CNTN2: variants seen among roughly 807,000 people sequenced by gnomAD.
CNTN2 encodes contactin-2.
In CNTN2, 53 loss-of-function variants were observed where a neutral mutation model predicts 117.5. That is an observed-to-expected ratio of 0.45 (90% CI 0.36 to 0.57). CNTN2 has a LOEUF of 0.57. Ranked by LOEUF, CNTN2 falls within the 20% of genes least tolerant of loss-of-function variation. The pLI, the probability that CNTN2 is intolerant of heterozygous loss-of-function variation, is 0.00. For synonymous variants in CNTN2, 530 were observed against 561.7 expected (o/e 0.94, Z 0.80); for missense variants, 1,106 against 1,404.3 (o/e 0.79, Z 3.39).
intron 2 of CNTN2, among the ~76,000 whole-genome samples, chr1:205,054,791 G>A (rs1343042274): frequency 6.6e-6 from 1 of 152,122 alleles, no homozygotes; most frequent in Non-Finnish European, 1.5e-5. Flanking sequence ...GGATATAGCT[G>A]TGGATTCCTG....
rs201170008 is a variant in CNTN2, at chr1:205,072,613, T to C, written c.2844+18T>C. The C allele has an allele frequency of 6.3e-7, 1 of 1,575,958 alleles. No individual in the cohort carries two copies. On this transcript the variant is annotated intron_variant, in intron 21 of 22. Transcript: ENST00000331830. ...GCTATAAGGTGAGGAAGCAATCAGC[T>C]AGGCCCAGAATGGGAAGGAACAGCT...
intron 19 of CNTN2, 137 bp from the exon 20 acceptor site, chr1:205,071,810 C>A: frequency 1.4e-6 from 1 of 739,104 alleles, no homozygotes; most frequent in Non-Finnish European, 2.1e-6. Context: ...TGCTCATGAT[C>A]TAGTCTCCAG....
Position 205,069,458 on chromosome 1 carries a change from C to T in CNTN2, c.2126-33C>T, listed in dbSNP as rs761966763. ...CTTTCATTTTTTCCTTGCTCATTAACAAGCCATATCGGTGTCCCTTGGCCC... is the reference window on the plus strand; with the variant it reads ...CTTTCATTTTTTCCTTGCTCATTAATAAGCCATATCGGTGTCCCTTGGCCC... On this transcript the variant is annotated intron_variant, in intron 16 of 22. Transcript: ENST00000331830. 2.8e-5 allele frequency: 45 copies of T among 1,606,158 alleles called. No homozygotes were observed. In the East Asian group the frequency reaches 9.2e-4, roughly 33 times the overall value.
rs558753015 is a variant in CNTN2, at chr1:205,061,072, G to C, written c.798-173G>C. The C allele has an allele frequency of 8.8e-6, 6 of 683,352 alleles. No individual in the cohort carries two copies. In the Admixed American group the frequency reaches 9.3e-5, roughly 11 times the overall value. 42.3% of individuals were successfully genotyped at this position (683,352 alleles called of 1,614,324 possible). On this transcript the variant is annotated intron_variant, in intron 7 of 22. Transcript: ENST00000331830. This position sits in a 1 kb window ranked among gnomAD's most constrained non-coding sequence, Gnocchi z 4.8. Reference sequence around the variant, plus strand: ...CTTGCCCCTTCCCTGCGTGTGCTCCGAGCCTACCTGGGAGAGGAGAGTGAG... The same window carrying C: ...CTTGCCCCTTCCCTGCGTGTGCTCCCAGCCTACCTGGGAGAGGAGAGTGAG...
At position 205,077,430 on chromosome 1, in the gene CNTN2, C is replaced by G. The variant is rs564546788; in HGVS notation, c.*3665C>G. The G allele has an allele frequency of 6.6e-6, 1 of 152,262 alleles. No individual in the cohort carries two copies. Among genetic ancestry groups the G allele is most frequent in the Non-Finnish European group, 1.5e-5 (1 of 68,064 alleles). 9.4% of individuals were successfully genotyped at this position (152,262 alleles called of 1,614,324 possible). On this transcript the variant is annotated 3_prime_UTR_variant, in exon 23 of 23. Transcript: ENST00000331830. ...GGCTCATTGGTGGGAGACACAGTAT[C>G]CTCAAACCTGTGGCCACTGGCATGA...
At chr1:205,064,018 G>C (rs778521280) in intron 10 of CNTN2, among the ~76,000 whole-genome samples, 7 of 150,536 alleles carry the variant, frequency 4.7e-5, no homozygotes, top group Non-Finnish European at 1.0e-4. Flanking sequence ...CACTGAGTGT[G>C]AGTTGAAAAA....
Position 205,073,782 on chromosome 1 carries a change from T to C in CNTN2, c.*17T>C. 6.3e-7 allele frequency: 1 copy of C among 1,599,584 alleles called. No homozygotes were observed. The highest frequency in any genetic ancestry group is 1.1e-5 in the South Asian group (1 of 90,650). ...GAGCTCTGATCCTGGAACCCCTCCC[T>C]CTGCGCCGCAGCTGGACGCCACCTC... On this transcript the variant is annotated 3_prime_UTR_variant, in exon 23 of 23. Coordinates refer to ENST00000331830, the MANE Select transcript of CNTN2 (RefSeq NM_005076.5). This position sits in a 1 kb window ranked among gnomAD's most constrained non-coding sequence, Gnocchi z 6.3.
At chr1:205,047,763 C>T (rs910777173) in intron 1 of CNTN2, among the ~76,000 whole-genome samples, 7 of 152,124 alleles carry the variant, frequency 4.6e-5, no homozygotes, top group South Asian at 2.1e-4. Flanking sequence ...ACAGTGGCTG[C>T]GGACACACGG....
Position 205,050,363 on chromosome 1 carries a change from G to A in CNTN2, c.-86-2737G>A, listed in dbSNP as rs146434053. Among the ~76,000 whole-genome samples the A allele has an allele frequency of 6.5e-4, 99 of 151,324 alleles. 1 individual carries two copies. Among genetic ancestry groups the A allele is most frequent in the Admixed American group, 5.1e-3 (77 of 15,212 alleles). ...TCTTGGGGCTGCCCCCAGGAAGAAC[G>A]GAAGACCTGTCAACCCTATCAAGTA... is the stretch of plus-strand genomic sequence containing the variant. On this transcript the variant is annotated intron_variant, in intron 1 of 22. Coordinates refer to ENST00000331830, the MANE Select transcript of CNTN2 (RefSeq NM_005076.5).
Position 205,059,920 on chromosome 1 carries a change from G to A in CNTN2, c.797+238G>A. 1 of 542,176 alleles carries A rather than the reference G, an allele frequency of 1.8e-6. No individual in the cohort carries two copies. Among genetic ancestry groups the A allele is most frequent in the Non-Finnish European group, 3.3e-6 (1 of 299,554 alleles). 33.6% of individuals were successfully genotyped at this position (542,176 alleles called of 1,614,324 possible). On this transcript the variant is annotated intron_variant, in intron 7 of 22. Coordinates refer to ENST00000331830, the MANE Select transcript of CNTN2 (RefSeq NM_005076.5). This position sits in a 1 kb window ranked among gnomAD's most constrained non-coding sequence, Gnocchi z 5.6. The stretch of plus-strand genomic sequence containing the variant: ...TCACTTGGTCTTCCAGCAGTGCATG[G>A]CAGGCTCAGACAGCTTGAGTAACAC...
At position 205,073,803 on chromosome 1, in the gene CNTN2, A is replaced by C. The variant is rs1354711677; in HGVS notation, c.*38A>C. 1.3e-6 allele frequency: 2 copies of C among 1,550,362 alleles called. No homozygotes were observed. The highest frequency in any genetic ancestry group is 8.9e-7 in the Non-Finnish European group (1 of 1,129,552). On this transcript the variant is annotated 3_prime_UTR_variant, in exon 23 of 23. Transcript: ENST00000331830. The surrounding 1 kb of genome is among the most constrained non-coding windows in gnomAD (Gnocchi z 6.3). ...TCCCTCTGCGCCGCAGCTGGACGCCACCTCCGACGGACACAGCCAGCCCCT... is the reference window on the plus strand; with the variant it reads ...TCCCTCTGCGCCGCAGCTGGACGCCCCCTCCGACGGACACAGCCAGCCCCT...
chr1:205,049,627 G>C (rs2096448814), intron 1 of CNTN2, among the ~76,000 whole-genome samples: 1 of 152,170 alleles, frequency 6.6e-6, no homozygotes, highest in Non-Finnish European at 1.5e-5. Flanking sequence ...TTCAGTACAA[G>C]TGCCTGGAGC....
Position 205,064,440 on chromosome 1 carries a change from C to A in CNTN2, c.1359C>A (p.Ser453Arg). 6.2e-7 allele frequency: 1 copy of A among 1,611,880 alleles called. No homozygotes were observed. The highest frequency in any genetic ancestry group is 8.5e-7 in the Non-Finnish European group (1 of 1,178,204). The stretch of plus-strand genomic sequence containing the variant: ...CTCCAAAGGCCGTGGTGCTCTGGAG[C>A]AAAGGCACGGAGATTTTGGTCAACA... ...RAAPKAVVLWSKGTEILVNSS... is the reference protein window; with the variant it reads ...RAAPKAVVLWRKGTEILVNSS... The change falls in exon 11 of 23, where the codon AGC becomes AGA. Residue 453 changes from serine (S) to arginine (R), a missense_variant. Coordinates refer to ENST00000331830, the MANE Select transcript of CNTN2 (RefSeq NM_005076.5).
intron 19 of CNTN2, 129 bp downstream of exon 19, chr1:205,070,667 C>G (rs1416456966): frequency 1.5e-6 from 1 of 683,392 alleles, no homozygotes; most frequent in African/African-American, 1.8e-5. Flanking sequence ...ACTGAGCATC[C>G]AGTCTGTGTA....
At chr1:205,044,156 G>C (rs968609233) in intron 1 of CNTN2, among the ~76,000 whole-genome samples, 10 of 152,118 alleles carry the variant, frequency 6.6e-5, no homozygotes, top group Admixed American at 2.0e-4. Context: ...AGTAAGGAAA[G>C]GGGCTGGGGC....
chr1:205,065,818 G>A lies in CNTN2; in HGVS notation c.1725G>A (p.Leu575=). The A allele has an allele frequency of 1.3e-6, 2 of 1,573,998 alleles. No individual in the cohort carries two copies. Among genetic ancestry groups the A allele is most frequent in the Non-Finnish European group, 1.7e-6 (2 of 1,152,130 alleles). ...VKETIGDLTI[L]NAQLRHGGKY... ...AGACCATTGGGGATCTGACCATCCT[G>A]AACGCCCAGCTGCGCCATGGGGGGA... The change falls in exon 14 of 23, where the codon CTG becomes CTA. Residue 575 remains leucine (L), a synonymous_variant. Coordinates refer to ENST00000331830, the MANE Select transcript of CNTN2 (RefSeq NM_005076.5). The surrounding 1 kb of genome is among the most constrained non-coding windows in gnomAD (Gnocchi z 4.1).
At position 205,057,912 on chromosome 1, in the gene CNTN2, C is replaced by A. The variant is rs2151188958; in HGVS notation, c.71-9C>A. 1 of 1,612,690 alleles carries A rather than the reference C, an allele frequency of 6.2e-7. No individual in the cohort carries two copies. Among genetic ancestry groups the A allele is most frequent in the East Asian group, 2.2e-5 (1 of 44,844 alleles). ...GCTCTGAGGCATCTGGTGGTGTCAT[C>A]ACCTGCAGCTTGGAGTTCAGCCCTG... On this transcript the variant is annotated splice_polypyrimidine_tract_variant and intron_variant, in intron 2 of 22. Coordinates refer to ENST00000331830, the MANE Select transcript of CNTN2 (RefSeq NM_005076.5).
Position 205,059,527 on chromosome 1 carries a change from G to T in CNTN2, c.698-56G>T. Reference sequence around the variant, plus strand: ...TGAAAGGTGCTGAGATCCCATGCACGGGAGCACCTGACCTGGAGTCATCTG... The same window carrying T: ...TGAAAGGTGCTGAGATCCCATGCACTGGAGCACCTGACCTGGAGTCATCTG... On this transcript the variant is annotated intron_variant, in intron 6 of 22. Coordinates refer to ENST00000331830, the MANE Select transcript of CNTN2 (RefSeq NM_005076.5). This position sits in a 1 kb window ranked among gnomAD's most constrained non-coding sequence, Gnocchi z 5.6. 1 of 1,517,808 alleles carries T rather than the reference G, an allele frequency of 6.6e-7. No individual in the cohort carries two copies. The highest frequency in any genetic ancestry group is 1.1e-5 in the South Asian group (1 of 88,916). The allele number at this position is 1,517,808 out of a possible 1,614,324, so 94.0% of individuals were successfully genotyped here. A position where few individuals can be genotyped will look rare whatever the true frequency, so the allele number is the denominator to read the frequency against.
chr1:205,056,306 C>G (rs1653604822), intron 2 of CNTN2, among the ~76,000 whole-genome samples: 1 of 152,218 alleles, frequency 6.6e-6, no homozygotes, highest in East Asian at 1.9e-4. Context: ...GCAGTGCCAG[C>G]TGGGGCAGGA....
Sources: gnomAD v4.1 joint callset for allele counts (sites outside exome capture counted in the v4.1 genomes callset) on GRCh38, gnomAD v4.1.1 for gene constraint, Gnocchi (gnomAD v3.1) non-coding constraint, MANE v1.5 for transcripts, NCBI Gene and HGNC (gene_info 2026-07-23, HGNC 2026-07-21) for gene names.